The following MEOX2 variants were observed in gnomAD, a reference collection of about 807,000 sequenced individuals.
The protein encoded by MEOX2 is homeobox protein MOX-2.
In MEOX2, 11 loss-of-function variants were observed where a neutral mutation model predicts 27.0. The observed-to-expected ratio is 0.41, with a 90% confidence interval of 0.26 to 0.68. The LOEUF (loss-of-function observed/expected upper bound fraction) is 0.68. Ranked by LOEUF, MEOX2 falls within the 30% of genes least tolerant of loss-of-function variation. The pLI, the probability that MEOX2 is intolerant of heterozygous loss-of-function variation, is 0.33. For missense variants in MEOX2, 436 were observed against 385.4 expected (o/e 1.13, Z -1.10); for synonymous variants, 189 against 155.4 (o/e 1.22, Z -1.61).
chr7:15,657,474 A>C (rs977452712), intron 1 of MEOX2, among the ~76,000 whole-genome samples: 2 of 152,120 alleles, frequency 1.3e-5, no homozygotes, highest in Admixed American at 1.3e-4. Flanking sequence ...TCCTGCTATT[A>C]AGCTCATCCA....
chr7:15,658,143 C>T (rs1374319511), intron 1 of MEOX2, among the ~76,000 whole-genome samples: 3 of 152,212 alleles, frequency 2.0e-5, no homozygotes, highest in Non-Finnish European at 2.9e-5. Flanking sequence ...AGACTTTCTA[C>T]GAGGCCTCCT....
At chr7:15,653,107 G>T (rs1201737442) in intron 1 of MEOX2, among the ~76,000 whole-genome samples, 1 of 121,058 alleles carries the variant, frequency 8.3e-6, no homozygotes, top group African/African-American at 2.6e-5. Flanking sequence ...GGTGGTGTCT[G>T]GATGATCCAG....
Position 15,686,008 on chromosome 7 carries a change from G to C in MEOX2, c.395C>G (p.Ser132Cys), listed in dbSNP as rs1782375365. 6.2e-7 allele frequency: 1 copy of C among 1,608,756 alleles called. No homozygotes were observed. Among genetic ancestry groups the C allele is most frequent in the Non-Finnish European group, 8.5e-7 (1 of 1,179,768 alleles). Residue 132 changes from serine (S) to cysteine (C), a missense_variant, in exon 1 of 3, where the codon TCC (serine) becomes TGC (cysteine). By Grantham distance (112) the Ser-to-Cys change is moderately radical. Coordinates refer to ENST00000262041, the MANE Select transcript of MEOX2 (RefSeq NM_005924.5). Reference sequence around the variant, plus strand: ...AGTCGGGGTGCTGGAGCCCAAGCTGGAAGAGTTGGAGCACAGGACGGGCGG... The same window carrying C: ...AGTCGGGGTGCTGGAGCCCAAGCTGCAAGAGTTGGAGCACAGGACGGGCGG... The part of the protein sequence containing the change: ...SSPPVLCSNS[S>C]SLGSSTPTGA...
intron 2 of MEOX2, among the ~76,000 whole-genome samples, chr7:15,615,510 G>T (rs73056381): frequency 0.046 from 6,919 of 151,978 alleles, 186 homozygotes; most frequent in Non-Finnish European, 0.068. Flanking sequence ...GATATAATTA[G>T]GTTTGTAAAT....
chr7:15,622,277 GTATATGTGTGTGTATGTGTTTGC>G (rs1781233219), intron 2 of MEOX2, among the ~76,000 whole-genome samples: 3 of 151,998 alleles, frequency 2.0e-5, no homozygotes, highest in Non-Finnish European at 4.4e-5. Context: ...ATATATCTGT[GTATATGTGTGTGTATGTGTTTGC>G]ATATGTGTAT....
At chr7:15,629,840 G>C (rs1231875882) in intron 1 of MEOX2, among the ~76,000 whole-genome samples, 1 of 151,964 alleles carries the variant, frequency 6.6e-6, no homozygotes, top group African/African-American at 2.4e-5. Flanking sequence ...CCATTACCCA[G>C]CTAGACTTTC....
At chr7:15,677,458 C>T (rs901464162) in intron 1 of MEOX2, 1 of 152,198 alleles carries the variant, frequency 6.6e-6, no homozygotes, top group Non-Finnish European at 1.5e-5. Flanking sequence ...TCGGTTGACT[C>T]TTAGGGTTGC....
chr7:15,632,588 C>A lies in MEOX2; in HGVS notation c.518-5670G>T, dbSNP rs1326385268. Among the ~76,000 whole-genome samples, 3 of 151,804 alleles carry A rather than the reference C, an allele frequency of 2.0e-5. No individual in the cohort carries two copies. In the East Asian group the frequency reaches 5.8e-4, roughly 29 times the overall value. ...CAAATTTTAACAAAATTAACAAAAACAAAGTATTTTTGTTAAAAAATATTT... is the reference window on the plus strand; with the variant it reads ...CAAATTTTAACAAAATTAACAAAAAAAAAGTATTTTTGTTAAAAAATATTT... On this transcript the variant is annotated intron_variant, in intron 1 of 2. Transcript: ENST00000262041.
intron 1 of MEOX2, among the ~76,000 whole-genome samples, chr7:15,631,873 C>G (rs1199235986): frequency 2.8e-5 from 3 of 107,264 alleles, no homozygotes; most frequent in Non-Finnish European, 6.0e-5. Flanking sequence ...AAAATTTTAC[C>G]AAAAAGAAAA....
At chr7:15,625,514 A>C (rs1473768414) in intron 2 of MEOX2, among the ~76,000 whole-genome samples, 1 of 152,244 alleles carries the variant, frequency 6.6e-6, no homozygotes, top group African/African-American at 2.4e-5. Flanking sequence ...AACAGAAGGA[A>C]AGCAGGTCAT....
intron 1 of MEOX2, chr7:15,681,141 C>T (rs931329667): frequency 8.6e-5 from 13 of 151,606 alleles, no homozygotes; most frequent in Non-Finnish European, 1.5e-4. Flanking sequence ...TTTCTGCATC[C>T]TTAGTATTTA....
At chr7:15,618,917 C>T (rs965208154) in intron 2 of MEOX2, among the ~76,000 whole-genome samples, 5 of 151,840 alleles carry the variant, frequency 3.3e-5, no homozygotes, top group Admixed American at 1.3e-4. Context: ...TAAAAATATA[C>T]GTTCATCATA....
intron 1 of MEOX2, chr7:15,676,225 G>C (rs765734486): frequency 3.9e-5 from 6 of 152,114 alleles, no homozygotes; most frequent in Non-Finnish European, 5.9e-5. Flanking sequence ...ATATGCAAAT[G>C]TGAACAAACA....
rs201748928 is a variant in MEOX2, at chr7:15,686,130, G to C, written c.273C>G (p.Asn91Lys). 1.0e-5 allele frequency: 16 copies of C among 1,583,296 alleles called. No homozygotes were observed. In the African/African-American group the frequency reaches 2.2e-4, roughly 21 times the overall value. ...QQQQHQALQT[N>K]WHLPQMSSPP... ...GGGAAGACATCTGCGGGAGGTGCCA[G>C]TTGGTTTGCAGAGCCTGGTGCTGCT... Residue 91 changes from asparagine (N) to lysine (K), a missense_variant, in exon 1 of 3, where the codon AAC becomes AAG. Transcript: ENST00000262041.
intron 1 of MEOX2, 64 bp downstream of exon 1, chr7:15,685,822 T>A: frequency 6.6e-7 from 1 of 1,526,248 alleles, no homozygotes; most frequent in Non-Finnish European, 8.8e-7. Context: ...GAATCTCCCC[T>A]AGTATCTCTC....
At chr7:15,643,829 A>G (rs924119823) in intron 1 of MEOX2, among the ~76,000 whole-genome samples, 1 of 152,114 alleles carries the variant, frequency 6.6e-6, no homozygotes, top group Non-Finnish European at 1.5e-5. Context: ...TCATGCCCCT[A>G]TGCAGTGTGC....
At chr7:15,645,036 C>T (rs950692449) in intron 1 of MEOX2, among the ~76,000 whole-genome samples, 1 of 152,118 alleles carries the variant, frequency 6.6e-6, no homozygotes, top group African/African-American at 2.4e-5. Context: ...TAACAATCTC[C>T]TTAGTGATAA....
chr7:15,647,742 C>G (rs1296935331), intron 1 of MEOX2, among the ~76,000 whole-genome samples: 2 of 152,018 alleles, frequency 1.3e-5, no homozygotes, highest in African/African-American at 4.8e-5. Context: ...CTTGAAATTA[C>G]TAAAACGTAG....
chr7:15,650,707 G>T (rs370151483), intron 1 of MEOX2, among the ~76,000 whole-genome samples: 26 of 146,538 alleles, frequency 1.8e-4, no homozygotes, highest in South Asian at 1.0e-3. Flanking sequence ...GAGTTTTTTT[G>T]GGGGGGAGAC....
Sources: gnomAD v4.1 joint callset for allele counts (sites outside exome capture counted in the v4.1 genomes callset) on GRCh38, gnomAD v4.1.1 for gene constraint, MANE v1.5 for transcripts, NCBI Gene and HGNC (gene_info 2026-07-23, HGNC 2026-07-21) for gene names.